Variants in PRKG1 observed in about 807,000 individuals in gnomAD.
PRKG1 encodes cGMP-dependent protein kinase 1.
PRKG1 carries 35 observed loss-of-function variants against 88.1 expected under a neutral mutation model. The ratio of observed to expected loss-of-function variants is 0.40; its 90% CI spans 0.30 to 0.53. The LOEUF (loss-of-function observed/expected upper bound fraction) is 0.53, where lower values mean the gene tolerates loss of function less well. PRKG1 is among the 20% of genes least tolerant of loss of function. The pLI, the probability that PRKG1 is intolerant of heterozygous loss-of-function variation, is 0.59. For synonymous variants in PRKG1, 303 were observed against 292.5 expected (o/e 1.04, Z -0.37); for missense variants, 540 against 839.8 (o/e 0.64, Z 4.41).
chr10:51,779,838 T>A (rs1490214366), intron 3 of PRKG1, among the ~76,000 whole-genome samples: 2 of 152,164 alleles, frequency 1.3e-5, no homozygotes, highest in Non-Finnish European at 2.9e-5. Flanking sequence ...TTGCCTACCA[T>A]AGTCATTTCC....
intron 1 of PRKG1, among the ~76,000 whole-genome samples, chr10:51,116,984 G>A (rs1486829709): frequency 2.0e-5 from 3 of 152,104 alleles, no homozygotes; most frequent in African/African-American, 7.2e-5. Flanking sequence ...AAGAGGGAAT[G>A]GGTAGATCTG....
intron 2 of PRKG1, among the ~76,000 whole-genome samples, chr10:51,404,451 A>C (rs576661286): frequency 3.9e-5 from 6 of 152,222 alleles, no homozygotes; most frequent in Admixed American, 3.9e-4. Flanking sequence ...GGACTGAGCC[A>C]ATTTGTCAAA....
intron 3 of PRKG1, among the ~76,000 whole-genome samples, chr10:51,545,323 C>T (rs1023964171): frequency 5.9e-5 from 9 of 152,176 alleles, no homozygotes; most frequent in Admixed American, 6.6e-5. Flanking sequence ...TTCTCTAGTG[C>T]AGTTATGCCA....
intron 4 of PRKG1, among the ~76,000 whole-genome samples, chr10:51,814,025 C>T (rs145436030): frequency 1.3e-5 from 2 of 152,270 alleles, no homozygotes; most frequent in African/African-American, 4.8e-5. Flanking sequence ...ATTTCTAAAA[C>T]AAATATTAAA....
intron 1 of PRKG1, among the ~76,000 whole-genome samples, chr10:51,010,402 A>G: frequency 6.6e-6 from 1 of 152,240 alleles, no homozygotes; most frequent in East Asian, 1.9e-4. Flanking sequence ...CCTATTTCAG[A>G]CAATGCTTTC....
chr10:51,452,925 A>AT (rs1017637965), intron 2 of PRKG1, among the ~76,000 whole-genome samples: 7 of 151,748 alleles, frequency 4.6e-5, no homozygotes, highest in African/African-American at 1.7e-4. Context: ...TATTTCTACA[A>AT]TTTTTTTTGT....
At chr10:51,818,726 GGCCGGGCGCGGTGGCTCACGC>G (rs1839658245) in intron 4 of PRKG1, among the ~76,000 whole-genome samples, 1 of 141,072 alleles carries the variant, frequency 7.1e-6, no homozygotes, top group Non-Finnish European at 1.5e-5. Context: ...AATACCAGAG[GGCCGGGCGCGGTGGCTCACGC>G]CTGTAATCCC....
At chr10:51,131,795 G>A (rs954436614) in intron 1 of PRKG1, among the ~76,000 whole-genome samples, 1 of 152,082 alleles carries the variant, frequency 6.6e-6, no homozygotes, top group African/African-American at 2.4e-5. Flanking sequence ...GAAGAGCTCA[G>A]CTTAGTGTTT....
chr10:51,141,512 C>A (rs1041084545), intron 1 of PRKG1, among the ~76,000 whole-genome samples: 1 of 152,046 alleles, frequency 6.6e-6, no homozygotes, highest in Non-Finnish European at 1.5e-5. Context: ...GTTTTAAAAC[C>A]GTCAATCACT....
chr10:51,830,643 C>T (rs138108477), intron 4 of PRKG1, among the ~76,000 whole-genome samples: 1 of 148,392 alleles, frequency 6.7e-6, no homozygotes, highest in Non-Finnish European at 1.5e-5. Context: ...CTCACTGCAA[C>T]CTCTTTCTCC....
At chr10:52,001,374 A>G (rs908955995) in intron 5 of PRKG1, among the ~76,000 whole-genome samples, 5 of 151,986 alleles carry the variant, frequency 3.3e-5, no homozygotes, top group African/African-American at 1.2e-4. Context: ...TAAAAAAAAA[A>G]AACATAACTA....
At chr10:51,953,623 A>G (rs1270441293) in intron 5 of PRKG1, among the ~76,000 whole-genome samples, 2 of 152,176 alleles carry the variant, frequency 1.3e-5, no homozygotes, top group African/African-American at 4.8e-5. Context: ...AGTCTACCAC[A>G]GTGCCTGGCA....
At chr10:51,083,241 T>C (rs1271613779) in intron 1 of PRKG1, among the ~76,000 whole-genome samples, 2 of 152,166 alleles carry the variant, frequency 1.3e-5, no homozygotes, top group Non-Finnish European at 2.9e-5. Context: ...GTGGGTAAGT[T>C]TGTTTCCCCT....
intron 5 of PRKG1, among the ~76,000 whole-genome samples, chr10:51,967,171 T>C (rs377059491): frequency 2.6e-5 from 4 of 152,130 alleles, no homozygotes; most frequent in Non-Finnish European, 4.4e-5. Flanking sequence ...AAATGTCCAA[T>C]AATGATAGAC....
At chr10:51,274,463 A>G (rs931322431) in intron 2 of PRKG1, among the ~76,000 whole-genome samples, 1 of 152,220 alleles carries the variant, frequency 6.6e-6, no homozygotes, top group Non-Finnish European at 1.5e-5. Flanking sequence ...TCTAAGTGCA[A>G]TTGAAACATT....
chr10:51,313,595 T>C (rs533254494), intron 2 of PRKG1, among the ~76,000 whole-genome samples: 1 of 152,238 alleles, frequency 6.6e-6, no homozygotes, highest in Admixed American at 6.5e-5. Flanking sequence ...GGAAAAGAAA[T>C]AAAACAAATG....
intron 2 of PRKG1, among the ~76,000 whole-genome samples, chr10:51,303,097 T>G (rs1407274487): frequency 6.6e-6 from 1 of 152,118 alleles, no homozygotes; most frequent in Non-Finnish European, 1.5e-5. Context: ...ATTGGTCTGT[T>G]TGCAAATATG....
At chr10:52,149,097 G>T (rs1294245334) in intron 8 of PRKG1, among the ~76,000 whole-genome samples, 1 of 150,498 alleles carries the variant, frequency 6.6e-6, no homozygotes, top group Non-Finnish European at 1.5e-5. Context: ...GGAGAAAGAT[G>T]AAAGCCTCTG....
At chr10:51,885,381 T>C (rs1292931962) in intron 4 of PRKG1, among the ~76,000 whole-genome samples, 1 of 152,254 alleles carries the variant, frequency 6.6e-6, no homozygotes, top group Admixed American at 6.5e-5. Flanking sequence ...AATTACCTTA[T>C]AATGTATTTT....
Sources: gnomAD v4.1 joint callset for allele counts (sites outside exome capture counted in the v4.1 genomes callset) on GRCh38, gnomAD v4.1.1 for gene constraint, MANE v1.5 for transcripts, NCBI Gene and HGNC (gene_info 2026-07-23, HGNC 2026-07-21) for gene names.